Variants in ABCD3 observed in about 807,000 individuals in gnomAD.
The protein encoded by ABCD3 is ATP-binding cassette sub-family D member 3.
Under a neutral mutation model 105.5 loss-of-function variants are expected in ABCD3, and 41 were observed. The observed-to-expected ratio is 0.39, with a 90% CI of 0.30 to 0.50. The LOEUF (loss-of-function observed/expected upper bound fraction) is 0.50, where lower values mean the gene tolerates loss of function less well. Among genes scored for constraint, ABCD3 ranks in the 20% least tolerant of loss-of-function variants. The pLI is 0.84. For missense variants in ABCD3, 622 were observed against 806.3 expected, an observed-to-expected ratio of 0.77 and a Z score of 2.77; for synonymous variants, 258 against 269.0, an observed-to-expected ratio of 0.96 and a Z score of 0.40.
intron 1 of ABCD3, among the ~76,000 whole-genome samples, chr1:94,428,882 G>A (rs1454593813): frequency 6.6e-6 from 1 of 152,132 alleles, no homozygotes; most frequent in Non-Finnish European, 1.5e-5. Flanking sequence ...CTGAAAATGT[G>A]GAAGTGACTT....
At chr1:94,432,756 A>G (rs1297000173) in intron 1 of ABCD3, 1 of 152,252 alleles carries the variant, frequency 6.6e-6, no homozygotes, top group Non-Finnish European at 1.5e-5. Context: ...ATATTAAATT[A>G]CAAAGTGAAA....
chr1:94,470,903 T>C (rs1438977991), intron 4 of ABCD3, among the ~76,000 whole-genome samples: 1 of 152,202 alleles, frequency 6.6e-6, no homozygotes, highest in East Asian at 1.9e-4. Context: ...TGCAGTATTT[T>C]TTCACCTCTG....
intron 1 of ABCD3, among the ~76,000 whole-genome samples, chr1:94,446,784 G>A (rs1364443828): frequency 3.3e-5 from 5 of 152,182 alleles, no homozygotes; most frequent in Admixed American, 6.5e-5. Context: ...GTTGGAGTTG[G>A]TAAAGCCCCT....
intron 10 of ABCD3, 65 bp downstream of exon 10, chr1:94,483,304 C>A: frequency 8.2e-7 from 1 of 1,223,594 alleles, no homozygotes; most frequent in Non-Finnish European, 1.2e-6. Context: ...TTTGTTTTGC[C>A]TATGGCCGAC....
At chr1:94,386,592 A>T in the ABCD3 span, among the ~76,000 whole-genome samples, 1 of 152,260 alleles carries the variant, frequency 6.6e-6, no homozygotes, top group Non-Finnish European at 1.5e-5. Context: ...ATATACAATA[A>T]ATTTGGCAAA....
At chr1:94,405,035 GATTA>G in the ABCD3 span, among the ~76,000 whole-genome samples, 2 of 151,526 alleles carry the variant, frequency 1.3e-5, no homozygotes, top group South Asian at 4.2e-4. Context: ...ATATACCAAA[GATTA>G]ATTAGTGTCC....
chr1:94,424,930 T>G (rs1339159124), intron 1 of ABCD3, among the ~76,000 whole-genome samples: 1 of 152,248 alleles, frequency 6.6e-6, no homozygotes, highest in Non-Finnish European at 1.5e-5. Flanking sequence ...GAACTGTGGC[T>G]GGAATATATA....
At chr1:94,418,844 G>T in intron 1 of ABCD3, 1 of 539,434 alleles carries the variant, frequency 1.9e-6, no homozygotes, top group Non-Finnish European at 3.3e-6. Flanking sequence ...GGGCGAACCG[G>T]CGCCCAGCCA....
upstream of ABCD3, among the ~76,000 whole-genome samples, chr1:94,418,197 G>T (rs966768262): frequency 6.6e-6 from 1 of 152,198 alleles, no homozygotes; most frequent in Non-Finnish European, 1.5e-5. Context: ...CAGCTCCTCC[G>T]CGCCGCGTTT....
At chr1:94,503,680 T>G (rs1309811843) in intron 20 of ABCD3, among the ~76,000 whole-genome samples, 1 of 152,154 alleles carries the variant, frequency 6.6e-6, no homozygotes. Flanking sequence ...TGCCTCCCCT[T>G]CCTCACTTCA....
chr1:94,503,784 C>T (rs1357715973), intron 20 of ABCD3, among the ~76,000 whole-genome samples: 1 of 151,450 alleles, frequency 6.6e-6, no homozygotes, highest in African/African-American at 2.4e-5. Flanking sequence ...GTGATTAAAA[C>T]AGTCTCTGCT....
chr1:94,505,037 T>C (rs1650281255), intron 20 of ABCD3, among the ~76,000 whole-genome samples: 1 of 152,150 alleles, frequency 6.6e-6, no homozygotes, highest in South Asian at 2.1e-4. Flanking sequence ...TTTGATAGTT[T>C]CATTTGCTGA....
At chr1:94,490,646 A>G (rs979210868) in intron 15 of ABCD3, among the ~76,000 whole-genome samples, 4 of 152,008 alleles carry the variant, frequency 2.6e-5, no homozygotes, top group African/African-American at 7.2e-5. Context: ...TGTACACACT[A>G]TATTTTCTTT....
At chr1:94,454,157 G>C (rs55914078) in intron 1 of ABCD3, among the ~76,000 whole-genome samples, 19,139 of 151,890 alleles carry the variant, frequency 0.13, 1,232 homozygotes, top group South Asian at 0.19. Context: ...TAATGATAAC[G>C]AACTCAGAAA....
At chr1:94,482,377 C>T (rs981546848) in intron 9 of ABCD3, 1 of 152,158 alleles carries the variant, frequency 6.6e-6, no homozygotes, top group South Asian at 2.1e-4. Context: ...TCAACCTTGC[C>T]TTCTAGACTT....
chr1:94,440,012 G>C (rs1389283392), intron 1 of ABCD3, among the ~76,000 whole-genome samples: 1 of 152,126 alleles, frequency 6.6e-6, no homozygotes, highest in East Asian at 1.9e-4. Flanking sequence ...GGGATTGCAG[G>C]CACACACCAC....
chr1:94,430,325 C>G (rs1347580711), intron 1 of ABCD3, among the ~76,000 whole-genome samples: 2 of 152,034 alleles, frequency 1.3e-5, no homozygotes, highest in Non-Finnish European at 1.5e-5. Context: ...CCTTGGGGGA[C>G]TGTTGGGAAG....
intron 1 of ABCD3, among the ~76,000 whole-genome samples, chr1:94,433,971 A>G (rs56353982): frequency 0.36 from 54,973 of 152,020 alleles, 11,499 homozygotes; most frequent in Middle Eastern, 0.55. Flanking sequence ...TTAACATAGA[A>G]AAGGTTCAGT....
intron 16 of ABCD3, among the ~76,000 whole-genome samples, chr1:94,491,852 G>A (rs1649549792): frequency 1.3e-5 from 2 of 152,040 alleles, no homozygotes; most frequent in South Asian, 4.1e-4. Context: ...AGATTTAAGG[G>A]TTACTATTTA....
Sources: allele counts gnomAD v4.1 joint callset (sites outside exome capture counted in the v4.1 genomes callset), GRCh38; gene constraint gnomAD v4.1.1; transcripts MANE v1.5; gene names NCBI Gene and HGNC (gene_info 2026-07-23, HGNC 2026-07-21).